The following SFI1 variants were observed in gnomAD, a reference collection of about 807,000 sequenced individuals.
SFI1 encodes the protein SFI1 centrin binding protein, also known as protein SFI1 homolog.
Under a neutral mutation model 207.5 loss-of-function variants are expected in SFI1, and 195 were observed. That is an observed-to-expected ratio of 0.94 (90% confidence interval 0.84 to 1.06). The LOEUF (loss-of-function observed/expected upper bound fraction) is 1.06. Among genes scored for constraint, SFI1 ranks in the 50% least tolerant of loss-of-function variants. The probability of loss-of-function intolerance (pLI) is 0.00; values close to 1 mark genes in which losing one functional copy is unlikely to be tolerated. For missense variants in SFI1, 1,634 were observed against 1,588.0 expected, an observed-to-expected ratio of 1.03 and a Z score of -0.49; for synonymous variants, 630 against 598.9, an observed-to-expected ratio of 1.05 and a Z score of -0.76.
chr22:31,583,787 TG>T, intron 12 of SFI1, 87 bp from the exon 13 acceptor site: 1 of 1,155,564 alleles, frequency 8.7e-7, no homozygotes. Context: ...ATTTCTGCTT[TG>T]GGGGAGCTCA....
At chr22:31,575,414 C>T (rs1348234899) in intron 10 of SFI1, 22 bp downstream of exon 10, 1 of 1,565,568 alleles carries the variant, frequency 6.4e-7, no homozygotes, top group African/African-American at 1.4e-5. Flanking sequence ...GATACTCAGG[C>T]TGTCCATTGC....
Position 31,580,309 on chromosome 22 carries a change from A to G in SFI1, c.1193A>G (p.His398Arg). ...AGAGCCCTAAAAGACAATGTGACCC[A>G]CGCTCATCTCCAGCAAATAAGAAGG... ...CFRALKDNVT[H>R]AHLQQIRRNL... is the part of the protein sequence containing the mutation. The change falls in exon 12 of 33, where the codon CAC becomes CGC. Residue 398 changes from histidine (H) to arginine (R), a missense_variant. Physicochemically the swap from His to Arg is conservative, Grantham distance 29. Coordinates refer to ENST00000400288, the MANE Select transcript of SFI1 (RefSeq NM_001007467.3). 6.2e-7 allele frequency: 1 copy of G among 1,613,984 alleles called. No individual in the cohort carries two copies. The highest frequency in any genetic ancestry group is 8.5e-7 in the Non-Finnish European group (1 of 1,179,944).
rs546805586 is a variant in SFI1 at position 31,596,386 on chromosome 22, C to T, written c.1545-5826C>T. 3.3e-5 allele frequency among the ~76,000 whole-genome samples: 5 copies of T among 152,240 alleles called. No homozygotes were observed. In the South Asian group the frequency reaches 6.2e-4, roughly 19 times the overall value. ...GGGAGATGGTTTTAGGTGGTGGCCA[C>T]GGGAAATAGAGGCTGATGAAAGGAC... On this transcript the variant is annotated intron_variant, in intron 15 of 32. Transcript: ENST00000400288.
chr22:31,507,133 G>A (rs1348236072), intron 1 of SFI1, among the ~76,000 whole-genome samples: 1 of 152,178 alleles, frequency 6.6e-6, no homozygotes, highest in Non-Finnish European at 1.5e-5. Context: ...AACAAAAACA[G>A]AATGGTACTG....
intron 1 of SFI1, among the ~76,000 whole-genome samples, chr22:31,507,789 A>G (rs541808885): frequency 6.6e-6 from 1 of 152,310 alleles, no homozygotes. Flanking sequence ...CAAAGCCACA[A>G]TGAGGCTGGG....
rs1474193839 is a variant in SFI1, at chr22:31,613,853, G to A, written c.2994G>A (p.Glu998=). ...CTGCTGAGGAGCCCCACGCCCTGGA[G>A]CTGTGAGTAGCCTGTGCTCACCTTG... The part of the protein sequence containing the change: ...RLAAEEPHAL[E]LNTAHSARKQ... The change falls in exon 27 of 33, where the codon GAG becomes GAA. Residue 998 remains glutamate, a splice_region_variant and synonymous_variant. Transcript: ENST00000400288. 2.5e-6 allele frequency: 4 copies of A among 1,599,350 alleles called. No individual in the cohort carries two copies. Among genetic ancestry groups the A allele is most frequent in the Non-Finnish European group, 3.4e-6 (4 of 1,172,988 alleles).
rs150043552 is a variant in SFI1 at position 31,496,990 on chromosome 22, T to C, written c.-31+353T>C. ...GCCCCTTAGCGTGCGCGGATCCAAA[T>C]CAGGGGTTTCCTCCTCCCGGCTCCG... On this transcript the variant is annotated intron_variant, in intron 1 of 32. Coordinates refer to ENST00000400288, the MANE Select transcript of SFI1 (RefSeq NM_001007467.3). Among the ~76,000 whole-genome samples, 1,478 of 152,262 alleles carry C rather than the reference T, an allele frequency of 9.7e-3. 7 individuals carry two copies. The highest frequency in any genetic ancestry group is 0.031 in the Middle Eastern group (9 of 294).
chr22:31,564,564 G>C (rs896221294), intron 8 of SFI1, among the ~76,000 whole-genome samples: 6 of 151,642 alleles, frequency 4.0e-5, no homozygotes, highest in African/African-American at 1.5e-4. Context: ...GAGTGCAGTG[G>C]TACCATCATG....
chr22:31,528,963 T>G, intron 3 of SFI1, 100 bp downstream of exon 3: 1 of 1,190,890 alleles, frequency 8.4e-7, no homozygotes, highest in Non-Finnish European at 1.2e-6. Context: ...CCGCAATTAG[T>G]GGGAGATCTT....
chr22:31,617,300 A>AG (rs2071777440), intron 31 of SFI1, among the ~76,000 whole-genome samples: 1 of 152,176 alleles, frequency 6.6e-6, no homozygotes, highest in Admixed American at 6.5e-5. Flanking sequence ...GGAAGGCCCA[A>AG]GTCGTCAGAC....
chr22:31,559,583 AGGATGTG>A (rs2148228845), intron 7 of SFI1: 3 of 635,978 alleles, frequency 4.7e-6, no homozygotes, highest in South Asian at 4.6e-5. Flanking sequence ...ACTGCCATTA[AGGATGTG>A]GGTTGACAGT....
chr22:31,531,439 A>C (rs1449038528), intron 4 of SFI1, among the ~76,000 whole-genome samples: 1 of 151,442 alleles, frequency 6.6e-6, no homozygotes, highest in Non-Finnish European at 1.5e-5. Context: ...AAAAAGAAAG[A>C]AAAAAAAATA....
intron 15 of SFI1, among the ~76,000 whole-genome samples, chr22:31,590,864 T>G (rs953176947): frequency 2.0e-5 from 3 of 149,672 alleles, no homozygotes; most frequent in African/African-American, 7.3e-5. Context: ...TTATTTTTAT[T>G]TTTATATATA....
intron 13 of SFI1, 134 bp from the exon 14 acceptor site, chr22:31,584,934 G>C (rs148988354): frequency 3.8e-6 from 2 of 527,014 alleles, no homozygotes; most frequent in Non-Finnish European, 6.6e-6. Flanking sequence ...TCTTATTGCC[G>C]TCTCTCCTAG....
chr22:31,590,673 T>A (rs2065735921), intron 15 of SFI1, among the ~76,000 whole-genome samples: 1 of 151,160 alleles, frequency 6.6e-6, no homozygotes, highest in Non-Finnish European at 1.5e-5. Context: ...CCCAGCTAAT[T>A]TTTTGTGTTT....
rs573977208 is a variant in SFI1, at chr22:31,545,999, C to T, written c.339-862C>T. On this transcript the variant is annotated intron_variant, in intron 4 of 32. Transcript: ENST00000400288. ...CCTCTCCCTCCTGGGCTCAAGCGAT[C>T]CTCCCACCTCAGCCTCCCAGGTAGC... Among the ~76,000 whole-genome samples the T allele has an allele frequency of 2.0e-5, 3 of 149,504 alleles. No homozygotes were observed. In the South Asian group the frequency reaches 6.4e-4, roughly 32 times the overall value.
intron 4 of SFI1, 41 bp downstream of exon 4, chr22:31,531,170 T>G: frequency 6.6e-7 from 1 of 1,510,444 alleles, no homozygotes; most frequent in South Asian, 1.2e-5. Flanking sequence ...TTGAGTTCAT[T>G]CTAGGGTTTT....
In SFI1 at chr22:31,614,191, C is replaced by G. The variant is rs2070934470; in HGVS notation, c.2996+336C>G. The stretch of plus-strand genomic sequence containing the variant: ...ACGTAGTTGACAAAGGGAACAAGCT[C>G]AGCTCCTACCCGTGCCTGCCGGCCT... On this transcript the variant is annotated intron_variant, in intron 27 of 32. Transcript: ENST00000400288. The G allele has an allele frequency of 1.3e-5, 5 of 374,792 alleles. No individual in the cohort carries two copies. In the South Asian group the frequency reaches 2.0e-4, roughly 15 times the overall value. 23.2% of individuals were successfully genotyped at this position (374,792 alleles called of 1,614,324 possible).
In SFI1 at chr22:31,609,233, C is replaced by T. The variant is rs548993490; in HGVS notation, c.2254+1200C>T. ...TGGGATGGTCTCGATCTCCTCACCT[C>T]GTGATCCGTCCGTCTCGGCCTCCCA... is the stretch of plus-strand genomic sequence containing the variant. On this transcript the variant is annotated intron_variant, in intron 22 of 32. Coordinates refer to ENST00000400288, the MANE Select transcript of SFI1 (RefSeq NM_001007467.3). Among the ~76,000 whole-genome samples, 5 of 152,224 alleles carry T rather than the reference C, an allele frequency of 3.3e-5. No homozygotes were observed. The East Asian group carries it at 5.8e-4, about 18-fold the overall frequency.
Sources: allele counts gnomAD v4.1 joint callset (sites outside exome capture counted in the v4.1 genomes callset), GRCh38; gene constraint gnomAD v4.1.1; transcripts MANE v1.5; gene names NCBI Gene and HGNC (gene_info 2026-07-23, HGNC 2026-07-21).